MDFIC2: variants seen among roughly 807,000 people sequenced by gnomAD.
The protein encoded by MDFIC2 is myoD family inhibitor domain-containing protein 2.
chr3:70,211,180 C>CT (rs528836973), intron 2 of MDFIC2, among the ~76,000 whole-genome samples: 2 of 151,954 alleles, frequency 1.3e-5, no homozygotes, highest in African/African-American at 4.8e-5. Context: ...CCTTTCCCTT[C>CT]TTTTTTCTTT....
At chr3:70,207,875 G>A (rs1166458644) in intron 2 of MDFIC2, among the ~76,000 whole-genome samples, 1 of 151,984 alleles carries the variant, frequency 6.6e-6, no homozygotes, top group African/African-American at 2.4e-5. Context: ...GACACTGAGG[G>A]ACAACTGTAT....
intron 2 of MDFIC2, among the ~76,000 whole-genome samples, chr3:70,245,779 T>A (rs985810734): frequency 2.1e-5 from 3 of 145,278 alleles, no homozygotes; most frequent in Admixed American, 1.4e-4. Context: ...AAGGACATCA[T>A]GAAGGTTGAC....
chr3:70,244,926 A>G (rs1701692652), intron 2 of MDFIC2, among the ~76,000 whole-genome samples: 1 of 152,204 alleles, frequency 6.6e-6, no homozygotes, highest in South Asian at 2.1e-4. Flanking sequence ...TCAGGACTAT[A>G]AATTCTGAAT....
intron 2 of MDFIC2, among the ~76,000 whole-genome samples, chr3:70,209,200 C>A (rs1294142131): frequency 6.6e-6 from 1 of 151,972 alleles, no homozygotes; most frequent in Non-Finnish European, 1.5e-5. Context: ...TATTTTGGGC[C>A]AGATAATTTT....
intron 2 of MDFIC2, among the ~76,000 whole-genome samples, chr3:70,262,256 A>G (rs1173547406): frequency 6.6e-6 from 1 of 152,192 alleles, no homozygotes; most frequent in Admixed American, 6.5e-5. Context: ...GTGAGACTGA[A>G]AACAGGCAGT....
At chr3:70,211,114 A>T (rs1240154945) in intron 2 of MDFIC2, among the ~76,000 whole-genome samples, 1 of 152,114 alleles carries the variant, frequency 6.6e-6, no homozygotes, top group Non-Finnish European at 1.5e-5. Flanking sequence ...TCAAATGATG[A>T]ATAAGTACTA....
Position 70,287,049 on chromosome 3 carries a change from T to G in MDFIC2, c.88+24837A>C, listed in dbSNP as rs374983531. Reference sequence around the variant, plus strand: ...CTTTTCCTAATTGAATACCCTTTATTTCCTTCTCCTGCCTAATTGCCCTGG... The same window carrying G: ...CTTTTCCTAATTGAATACCCTTTATGTCCTTCTCCTGCCTAATTGCCCTGG... On this transcript the variant is annotated intron_variant, in intron 2 of 3. Transcript: ENST00000567252. Among the ~76,000 whole-genome samples the G allele has an allele frequency of 1.9e-3, 276 of 146,260 alleles. 2 individuals carry two copies. In the East Asian group the frequency reaches 0.039, roughly 21 times the overall value.
At chr3:70,263,621 T>G (rs1701888231) in intron 2 of MDFIC2, among the ~76,000 whole-genome samples, 1 of 152,182 alleles carries the variant, frequency 6.6e-6, no homozygotes, top group Non-Finnish European at 1.5e-5. Flanking sequence ...ACTTCACACA[T>G]GTAGATGGTA....
intron 2 of MDFIC2, among the ~76,000 whole-genome samples, chr3:70,262,780 C>T (rs1701879041): frequency 6.6e-6 from 1 of 152,044 alleles, no homozygotes; most frequent in South Asian, 2.1e-4. Context: ...GTTGTTATTT[C>T]TTCAAATATT....
intron 2 of MDFIC2, among the ~76,000 whole-genome samples, chr3:70,307,814 A>G (rs890465018): frequency 6.6e-6 from 1 of 152,072 alleles, no homozygotes. Flanking sequence ...TACTTAACCT[A>G]CAGTCAGCAC....
At chr3:70,305,496 AGT>A (rs1405496718) in intron 2 of MDFIC2, among the ~76,000 whole-genome samples, 2 of 152,204 alleles carry the variant, frequency 1.3e-5, no homozygotes, top group Non-Finnish European at 2.9e-5. Flanking sequence ...GAATTATCTG[AGT>A]GAGAGAATTA....
At chr3:70,288,067 G>C (rs1452061107) in intron 2 of MDFIC2, among the ~76,000 whole-genome samples, 1 of 149,262 alleles carries the variant, frequency 6.7e-6, no homozygotes. Context: ...CTTCAGTTCT[G>C]CTCTGATTTT....
chr3:70,232,999 G>C (rs530227374), intron 2 of MDFIC2, among the ~76,000 whole-genome samples: 1 of 152,276 alleles, frequency 6.6e-6, no homozygotes, highest in Non-Finnish European at 1.5e-5. Context: ...GACCAGCCTG[G>C]TTATCATGGT....
intron 2 of MDFIC2, among the ~76,000 whole-genome samples, chr3:70,209,906 T>C (rs943055213): frequency 6.6e-6 from 1 of 152,110 alleles, no homozygotes; most frequent in Non-Finnish European, 1.5e-5. Flanking sequence ...CTTGTTCCAT[T>C]ACAGCTGCTT....
At chr3:70,223,084 G>T (rs1249902665) in intron 2 of MDFIC2, among the ~76,000 whole-genome samples, 2 of 152,190 alleles carry the variant, frequency 1.3e-5, no homozygotes, top group African/African-American at 2.4e-5. Context: ...GATGGAAAAT[G>T]TGGCAAGTCT....
chr3:70,270,243 C>A (rs1701963901), intron 2 of MDFIC2, among the ~76,000 whole-genome samples: 2 of 152,140 alleles, frequency 1.3e-5, no homozygotes, highest in South Asian at 4.1e-4. Flanking sequence ...CAAATGAGTT[C>A]TTTCAAGTTT....
At chr3:70,257,641 A>G (rs1701829098) in intron 2 of MDFIC2, among the ~76,000 whole-genome samples, 1 of 152,220 alleles carries the variant, frequency 6.6e-6, no homozygotes, top group Admixed American at 6.5e-5. Context: ...GCTATGAAAC[A>G]TTGCTTAGAG....
chr3:70,301,574 T>A (rs925311526), intron 2 of MDFIC2, among the ~76,000 whole-genome samples: 4 of 152,092 alleles, frequency 2.6e-5, no homozygotes, highest in African/African-American at 9.7e-5. Context: ...TAATTATATA[T>A]TATTTTGTAA....
At chr3:70,235,456 C>T (rs1338037659) in intron 2 of MDFIC2, among the ~76,000 whole-genome samples, 1 of 152,206 alleles carries the variant, frequency 6.6e-6, no homozygotes, top group Admixed American at 6.5e-5. Flanking sequence ...TGTGATAATA[C>T]ATGCTAGGTG....
Sources: gnomAD v4.1 joint callset for allele counts (sites outside exome capture counted in the v4.1 genomes callset) on GRCh38, gnomAD v4.1.1 for gene constraint, MANE v1.5 for transcripts, NCBI Gene and HGNC (gene_info 2026-07-23, HGNC 2026-07-21) for gene names.